PTPRD: variants seen among roughly 807,000 people sequenced by gnomAD.
The protein encoded by PTPRD is receptor-type tyrosine-protein phosphatase delta.
PTPRD carries 34 observed loss-of-function variants against 214.5 expected under a neutral mutation model. The observed-to-expected ratio is 0.16, with a 90% CI of 0.12 to 0.21. PTPRD has a LOEUF of 0.21. PTPRD is among the 10% of genes least tolerant of loss of function. The pLI is 1.00. For synonymous variants in PTPRD, 1,128 were observed against 845.7 expected (o/e 1.33, Z -5.79); for missense variants, 2,545 against 2,398.7 (o/e 1.06, Z -1.27).
chr9:9,854,082 C>T lies in PTPRD; in HGVS notation c.-368+84425G>A, dbSNP rs1790489528. Among the ~76,000 whole-genome samples the T allele has an allele frequency of 2.0e-5, 3 of 152,292 alleles. No homozygotes were observed. The South Asian group carries it at 6.2e-4, about 32-fold the overall frequency. ...CTATTCATCACACCATGCAACAGAA[C>T]ATCACCACTTACTCCTCCTATCTAA... is the stretch of plus-strand genomic sequence containing the variant. On this transcript the variant is annotated intron_variant, in intron 5 of 45. Coordinates refer to ENST00000381196, the MANE Select transcript of PTPRD (RefSeq NM_002839.4).
intron 39 of PTPRD, among the ~76,000 whole-genome samples, chr9:8,349,880 C>G (rs865897473): frequency 2.6e-5 from 4 of 151,008 alleles, no homozygotes; most frequent in African/African-American, 9.7e-5. Flanking sequence ...AGAACACAAA[C>G]TCTATATTTG....
chr9:9,897,591 G>T (rs1396456240), intron 5 of PTPRD, among the ~76,000 whole-genome samples: 1 of 151,576 alleles, frequency 6.6e-6, no homozygotes, highest in Non-Finnish European at 1.5e-5. Context: ...GTACTTTATT[G>T]TAAAATAAGC....
In PTPRD at chr9:9,029,535, C is replaced by G. The variant is rs149656181; in HGVS notation, c.-142-10800G>C. Among the ~76,000 whole-genome samples, 440 of 151,888 alleles carry G rather than the reference C, an allele frequency of 2.9e-3. 3 individuals are homozygous for G. The highest frequency in any genetic ancestry group is 9.7e-3 in the African/African-American group (403 of 41,440). On this transcript the variant is annotated intron_variant, in intron 10 of 45. Transcript: ENST00000381196. Reference sequence around the variant, plus strand: ...TTTAAATTGTTCCTAGTGCCAGAGACATTACAAAAGAAGACTTTCAGAATA... The same window carrying G: ...TTTAAATTGTTCCTAGTGCCAGAGAGATTACAAAAGAAGACTTTCAGAATA...
chr9:9,933,157 T>A (rs560278823), intron 5 of PTPRD, among the ~76,000 whole-genome samples: 234 of 151,780 alleles, frequency 1.5e-3, no homozygotes, highest in African/African-American at 5.3e-3. Flanking sequence ...GACTAGGAAG[T>A]AACTGCATCA....
intron 9 of PTPRD, among the ~76,000 whole-genome samples, chr9:9,368,696 G>C (rs2058568263): frequency 1.3e-5 from 2 of 151,638 alleles, no homozygotes; most frequent in South Asian, 4.2e-4. Flanking sequence ...ATGAACCTAG[G>C]GTAGGAAAAA....
At chr9:10,247,682 C>T (rs1327259964) in intron 3 of PTPRD, among the ~76,000 whole-genome samples, 2 of 152,272 alleles carry the variant, frequency 1.3e-5, no homozygotes, top group African/African-American at 4.8e-5. Flanking sequence ...TCATACATCT[C>T]ACTGTTTTTC....
chr9:9,295,512 C>A (rs967752420), intron 9 of PTPRD, among the ~76,000 whole-genome samples: 1 of 151,728 alleles, frequency 6.6e-6, no homozygotes, highest in Non-Finnish European at 1.5e-5. Flanking sequence ...CATGAACAAC[C>A]AAATAACTAC....
intron 9 of PTPRD, among the ~76,000 whole-genome samples, chr9:9,368,586 G>C (rs951457811): frequency 6.6e-6 from 1 of 151,720 alleles, no homozygotes; most frequent in African/African-American, 2.4e-5. Context: ...GTTTGAAAAA[G>C]TCCCAAAGAT....
At chr9:9,847,486 C>G (rs1282444982) in intron 5 of PTPRD, among the ~76,000 whole-genome samples, 1 of 152,090 alleles carries the variant, frequency 6.6e-6, no homozygotes, top group African/African-American at 2.4e-5. Flanking sequence ...TTAATTTGCA[C>G]TAACTTTTGA....
intron 5 of PTPRD, among the ~76,000 whole-genome samples, chr9:9,853,079 A>G (rs2060850016): frequency 6.6e-6 from 1 of 152,200 alleles, no homozygotes; most frequent in Non-Finnish European, 1.5e-5. Flanking sequence ...TTTAAGTCAC[A>G]TATTATTTAA....
intron 3 of PTPRD, among the ~76,000 whole-genome samples, chr9:10,198,345 A>C (rs540200343): frequency 6.6e-6 from 1 of 152,242 alleles, no homozygotes; most frequent in African/African-American, 2.4e-5. Flanking sequence ...GAAAAACAGG[A>C]GTAGTGGTCA....
intron 2 of PTPRD, among the ~76,000 whole-genome samples, chr9:10,467,656 C>T (rs1185206121): frequency 6.6e-6 from 1 of 151,352 alleles, no homozygotes; most frequent in East Asian, 1.9e-4. Context: ...ATATACATTC[C>T]AAAAAAATGG....
Position 8,440,319 on chromosome 9 carries a change from A to AT in PTPRD, c.3989-3631dup, listed in dbSNP as rs34426609. On this transcript the variant is annotated intron_variant, in intron 34 of 45. Transcript: ENST00000381196. ...TACAAATGTACAATAGAAATGTATTATTTTTTTTTTTTTTGAGATGTAGTC... is the reference window on the plus strand; with the variant it reads ...TACAAATGTACAATAGAAATGTATTATTTTTTTTTTTTTTTGAGATGTAGTC... Among the ~76,000 whole-genome samples, 200 of 146,020 alleles carry AT rather than the reference A, an allele frequency of 1.4e-3. 1 individual carries two copies. Among genetic ancestry groups the AT allele is most frequent in the Middle Eastern group, 7.1e-3 (2 of 280 alleles).
chr9:8,773,641 A>G (rs1599349257), intron 11 of PTPRD, among the ~76,000 whole-genome samples: 1 of 152,224 alleles, frequency 6.6e-6, no homozygotes, highest in South Asian at 2.1e-4. Context: ...CCCCTGCTTA[A>G]AACACTTCAT....
At chr9:10,019,698 G>A (rs1195425139) in intron 4 of PTPRD, among the ~76,000 whole-genome samples, 2 of 147,678 alleles carry the variant, frequency 1.4e-5, no homozygotes, top group Non-Finnish European at 3.0e-5. Context: ...AACACCGCAT[G>A]TTCTCACTCA....
chr9:9,166,874 G>A (rs1178398169), intron 10 of PTPRD, among the ~76,000 whole-genome samples: 3 of 152,148 alleles, frequency 2.0e-5, no homozygotes, highest in Non-Finnish European at 4.4e-5. Context: ...ACTACCTATA[G>A]TTATAAGAGT....
intron 11 of PTPRD, among the ~76,000 whole-genome samples, chr9:8,897,610 A>C (rs905391749): frequency 2.6e-5 from 4 of 152,174 alleles, no homozygotes; most frequent in African/African-American, 9.6e-5. Flanking sequence ...TCTTAGTGGG[A>C]CATACCTCCA....
chr9:9,500,036 T>C (rs1189102654), intron 8 of PTPRD, among the ~76,000 whole-genome samples: 3 of 152,130 alleles, frequency 2.0e-5, no homozygotes, highest in Non-Finnish European at 4.4e-5. Flanking sequence ...CAGCATTGTT[T>C]AGGAGTAATT....
At chr9:10,473,124 A>G (rs2099041687) in intron 2 of PTPRD, among the ~76,000 whole-genome samples, 1 of 152,100 alleles carries the variant, frequency 6.6e-6, no homozygotes, top group African/African-American at 2.4e-5. Flanking sequence ...ATTGGCCGAC[A>G]TAGAAATTTG....
Sources: allele counts gnomAD v4.1 joint callset (sites outside exome capture counted in the v4.1 genomes callset), GRCh38; gene constraint gnomAD v4.1.1; transcripts MANE v1.5; gene names NCBI Gene and HGNC (gene_info 2026-07-23, HGNC 2026-07-21).